Variants in EYS observed in about 807,000 individuals in gnomAD.
The protein encoded by EYS is protein eyes shut homolog.
Under a neutral mutation model 282.1 loss-of-function variants are expected in EYS, and 250 were observed. The observed-to-expected ratio is 0.89, with a 90% CI of 0.80 to 0.98. EYS has a LOEUF of 0.98. EYS is among the 50% of genes least tolerant of loss of function. EYS has a pLI of 0.00. For missense variants in EYS, 4,016 were observed against 3,709.0 expected, an observed-to-expected ratio of 1.08 and a Z score of -2.15; for synonymous variants, 1,355 against 1,282.9, an observed-to-expected ratio of 1.06 and a Z score of -1.20.
chr6:64,156,022 A>ATGTGTG (rs140713143), intron 31 of EYS, among the ~76,000 whole-genome samples: 10 of 146,952 alleles, frequency 6.8e-5, no homozygotes, highest in African/African-American at 1.5e-4. Flanking sequence ...GTGTATGTTT[A>ATGTGTG]TGTGTGTGTG....
In EYS at chr6:65,442,740, C is replaced by T. The variant is rs1013459570; in HGVS notation, c.863-37373G>A. Among the ~76,000 whole-genome samples, 7 of 148,884 alleles carry T rather than the reference C, an allele frequency of 4.7e-5. 1 individual carries two copies. Among genetic ancestry groups the T allele is most frequent in the South Asian group, 2.1e-4 (1 of 4,748 alleles). ...CTGCACTCCAGGCTGGGTGACAGAGCGAGACTCCATCTCAAAAAATAAAAA... is the reference window on the plus strand; with the variant it reads ...CTGCACTCCAGGCTGGGTGACAGAGTGAGACTCCATCTCAAAAAATAAAAA... On this transcript the variant is annotated intron_variant, in intron 5 of 42. Coordinates refer to ENST00000503581, the MANE Select transcript of EYS (RefSeq NM_001142800.2).
chr6:63,870,181 A>T (rs942724929), intron 35 of EYS, among the ~76,000 whole-genome samples: 5 of 152,300 alleles, frequency 3.3e-5, no homozygotes, highest in African/African-American at 1.2e-4. Flanking sequence ...GAGCTTTTAA[A>T]ATGTTATTTT....
At position 63,788,231 on chromosome 6, in the gene EYS, T is replaced by C. The variant is rs114512007; in HGVS notation, c.7597A>G (p.Lys2533Glu). 4,332 of 1,536,530 alleles carry C rather than the reference T, an allele frequency of 2.8e-3. 120 individuals are homozygous for C. In the African/African-American group the frequency reaches 0.054, roughly 19 times the overall value. ...GWLKVDDHKN[K>E]SIIAPGRLVG... ...AGTCTTCCTGGGGCGATAATGGATT[T>C]ATTTTTATGATCATCTACCTTCGAA... The change falls in exon 39 of 43, where the codon AAA becomes GAA. Residue 2533 changes from lysine (K) to glutamate (E), a missense_variant. Coordinates refer to ENST00000503581, the MANE Select transcript of EYS (RefSeq NM_001142800.2).
intron 35 of EYS, among the ~76,000 whole-genome samples, chr6:63,893,561 C>G (rs1581944358): frequency 6.6e-6 from 1 of 152,048 alleles, no homozygotes; most frequent in Non-Finnish European, 1.5e-5. Context: ...GAACATCATG[C>G]ACCAGGGCCT....
At chr6:64,302,297 C>A (rs992896719) in intron 30 of EYS, among the ~76,000 whole-genome samples, 1 of 152,168 alleles carries the variant, frequency 6.6e-6, no homozygotes, top group Non-Finnish European at 1.5e-5. Flanking sequence ...GCCCAGATTG[C>A]CAGCTCACAG....
intron 12 of EYS, among the ~76,000 whole-genome samples, chr6:65,206,565 C>A (rs1196659268): frequency 6.6e-6 from 1 of 151,680 alleles, no homozygotes; most frequent in African/African-American, 2.4e-5. Context: ...TAAAATCATG[C>A]AATGACAACA....
At chr6:65,154,227 G>A (rs1764682039) in intron 12 of EYS, among the ~76,000 whole-genome samples, 1 of 151,156 alleles carries the variant, frequency 6.6e-6, no homozygotes, top group South Asian at 2.1e-4. Flanking sequence ...AAGCATTTAA[G>A]GAAATAGAAA....
At chr6:65,353,313 T>A in intron 9 of EYS, 145 bp downstream of exon 9, 2 of 688,798 alleles carry the variant, frequency 2.9e-6, no homozygotes, top group Non-Finnish European at 4.9e-6. Flanking sequence ...AAGGAATACA[T>A]TAGAAAATAA....
chr6:64,340,148 C>T (rs1233993681), intron 29 of EYS, among the ~76,000 whole-genome samples: 2 of 151,048 alleles, frequency 1.3e-5, no homozygotes, highest in East Asian at 3.9e-4. Flanking sequence ...TATGAAAGAG[C>T]CCTATCCTCT....
At chr6:63,925,914 G>T (rs1260259288) in intron 35 of EYS, among the ~76,000 whole-genome samples, 1 of 152,194 alleles carries the variant, frequency 6.6e-6, no homozygotes, top group African/African-American at 2.4e-5. Context: ...AAAGTGCTGA[G>T]GTTACAGACA....
At chr6:65,462,266 T>C (rs1764850817) in intron 5 of EYS, among the ~76,000 whole-genome samples, 1 of 152,092 alleles carries the variant, frequency 6.6e-6, no homozygotes, top group South Asian at 2.1e-4. Context: ...AGTCAAACTA[T>C]AATGACAAAG....
chr6:63,835,153 T>G (rs1771769330), intron 36 of EYS, among the ~76,000 whole-genome samples: 2 of 151,756 alleles, frequency 1.3e-5, no homozygotes, highest in Admixed American at 1.3e-4. Flanking sequence ...TATACATATG[T>G]AACAAACCTG....
intron 2 of EYS, among the ~76,000 whole-genome samples, chr6:65,583,722 T>A (rs1240512188): frequency 6.6e-6 from 1 of 152,114 alleles, no homozygotes; most frequent in Non-Finnish European, 1.5e-5. Flanking sequence ...AAGCAATTGA[T>A]GCAATTGGAC....
intron 26 of EYS, among the ~76,000 whole-genome samples, chr6:64,482,609 T>C (rs768366185): frequency 1.3e-5 from 2 of 151,746 alleles, no homozygotes; most frequent in Admixed American, 6.6e-5. Context: ...GTATGACATA[T>C]AGCAAATGTT....
At chr6:65,590,051 T>C (rs557032138) in intron 2 of EYS, among the ~76,000 whole-genome samples, 2 of 152,188 alleles carry the variant, frequency 1.3e-5, no homozygotes, top group Non-Finnish European at 2.9e-5. Context: ...AAGAAAGGAT[T>C]ACAGCACAAT....
chr6:64,009,570 C>T (rs1768510402), intron 33 of EYS, among the ~76,000 whole-genome samples: 1 of 152,164 alleles, frequency 6.6e-6, no homozygotes, highest in South Asian at 2.1e-4. Flanking sequence ...AAGCGCGAGC[C>T]ACTTCTCCCG....
intron 30 of EYS, among the ~76,000 whole-genome samples, chr6:64,284,034 A>T (rs1768403661): frequency 6.6e-6 from 1 of 152,096 alleles, no homozygotes. Flanking sequence ...GGCCCCTCCA[A>T]ATATCATGTC....
intron 5 of EYS, among the ~76,000 whole-genome samples, chr6:65,479,308 T>C (rs866013029): frequency 6.6e-6 from 1 of 152,200 alleles, no homozygotes. Context: ...AAAGTTCTGG[T>C]AGAATTTTTA....
At chr6:64,817,200 T>C (rs576631806) in intron 21 of EYS, among the ~76,000 whole-genome samples, 2 of 152,086 alleles carry the variant, frequency 1.3e-5, no homozygotes, top group Non-Finnish European at 2.9e-5. Flanking sequence ...AGCATTCTGA[T>C]GGTTCAATCA....
Sources: gnomAD v4.1 joint callset for allele counts (sites outside exome capture counted in the v4.1 genomes callset) on GRCh38, gnomAD v4.1.1 for gene constraint, MANE v1.5 for transcripts, NCBI Gene and HGNC (gene_info 2026-07-23, HGNC 2026-07-21) for gene names.